BCLAF3: variants seen among roughly 807,000 people sequenced by gnomAD.
BCLAF3 encodes the protein BCLAF1 and THRAP3 family member 3, also known as transient octamer binding factor 1.
BCLAF3 carries 24 observed loss-of-function variants against 51.2 expected under a neutral mutation model. The observed-to-expected ratio is 0.47, with a 90% CI of 0.34 to 0.66. The LOEUF (loss-of-function observed/expected upper bound fraction) is 0.66. BCLAF3 is among the 30% of genes least tolerant of loss of function. The probability of loss-of-function intolerance (pLI) is 0.01; values close to 1 mark genes in which losing one functional copy is unlikely to be tolerated. For synonymous variants in BCLAF3, 152 were observed against 176.6 expected (o/e 0.86, Z 1.10); for missense variants, 465 against 525.1 (o/e 0.89, Z 1.12).
chrX:19,980,585 AATGTAC>A (rs1294481123), intron 1 of BCLAF3, among the ~76,000 whole-genome samples: 16 of 111,733 alleles, frequency 1.4e-4, no homozygotes, highest in Non-Finnish European at 3.0e-4. Context: ...AAAATATGTA[AATGTAC>A]ATATAAGACA....
intron 1 of BCLAF3, among the ~76,000 whole-genome samples, chrX:19,982,958 C>CTTTTTTTTTTTT (rs749753466): frequency 2.8e-5 from 2 of 72,348 alleles, no homozygotes; most frequent in Non-Finnish European, 4.8e-5. Context: ...TTTTTTTTTT[C>CTTTTTTTTTTTT]TTTTTTTTTT....
chrX:19,919,334 T>C (rs2070047392), intron 11 of BCLAF3, among the ~76,000 whole-genome samples: 1 of 111,677 alleles, frequency 9.0e-6, no homozygotes, highest in Non-Finnish European at 1.9e-5. Context: ...TTAAAAAATA[T>C]GATTGTTTGC....
intron 5 of BCLAF3, chrX:19,954,354 T>C (rs1185102379): frequency 5.4e-6 from 1 of 183,929 alleles, no homozygotes; most frequent in Admixed American, 9.3e-5. Flanking sequence ...AATGCCACTT[T>C]ACTTTAATTC....
chrX:19,982,527 C>T (rs1301237880), intron 1 of BCLAF3, among the ~76,000 whole-genome samples: 2 of 105,316 alleles, frequency 1.9e-5, no homozygotes, highest in Non-Finnish European at 3.9e-5. Context: ...CATTATCCTA[C>T]TTTGATTACA....
chrX:19,953,908 A>C lies in BCLAF3; in HGVS notation c.1451-16T>G. ...AAATAATTTGCTGAAAAAGGAAATG[A>C]AGAGTTTTATCTCAATGTTAAGCTG... On this transcript the variant is annotated splice_polypyrimidine_tract_variant and intron_variant, in intron 5 of 11. Transcript: ENST00000379682. 1 of 1,203,170 alleles carries C rather than the reference A, an allele frequency of 8.3e-7. No individual in the cohort carries two copies. The highest frequency in any genetic ancestry group is 1.8e-5 in the South Asian group (1 of 55,720).
chrX:19,919,856 CAAAAAAAAAA>C (rs763184612), intron 11 of BCLAF3, among the ~76,000 whole-genome samples: 236 of 33,642 alleles, frequency 7.0e-3, no homozygotes, highest in African/African-American at 0.024. Flanking sequence ...GACTTCGTCT[CAAAAAAAAAA>C]AAAAAAAAAA....
At chrX:19,952,833 A>G (rs1422478629) in intron 7 of BCLAF3, among the ~76,000 whole-genome samples, 155 bp downstream of exon 7, 1 of 111,902 alleles carries the variant, frequency 8.9e-6, no homozygotes, top group African/African-American at 3.3e-5. Context: ...GCTGATAGTC[A>G]GAATCACCTG....
intron 1 of BCLAF3, among the ~76,000 whole-genome samples, chrX:19,989,751 T>C (rs980654766): frequency 2.4e-4 from 27 of 111,651 alleles, no homozygotes; most frequent in South Asian, 1.1e-3. Flanking sequence ...CCATGGTTAC[T>C]TGGAACTTGG....
intron 9 of BCLAF3, chrX:19,937,199 GATTT>G (rs899633277): frequency 1.1e-5 from 4 of 379,828 alleles, no homozygotes; most frequent in Non-Finnish European, 1.8e-5. Flanking sequence ...AAGAAAGCTA[GATTT>G]ATTAGCTTTA....
intron 1 of BCLAF3, among the ~76,000 whole-genome samples, chrX:19,984,150 C>T (rs73445210): frequency 0.014 from 1,496 of 106,018 alleles, 29 homozygotes; most frequent in African/African-American, 0.049. Context: ...TGTCCTAAAG[C>T]ATTAACTGTG....
intron 1 of BCLAF3, among the ~76,000 whole-genome samples, chrX:19,973,315 C>T (rs1304422200): frequency 9.0e-6 from 1 of 111,408 alleles, no homozygotes; most frequent in African/African-American, 3.3e-5. Flanking sequence ...TCAGTTTAAA[C>T]TTGTTTTAAA....
chrX:19,982,557 ACACACACACACACACACACACACACACG>A (rs1342728629), intron 1 of BCLAF3, among the ~76,000 whole-genome samples: 1 of 96,497 alleles, frequency 1.0e-5, no homozygotes. Flanking sequence ...TTTCACACAC[ACACACACACACACACACACACACACACG>A]CACACACACA....
At chrX:19,982,752 T>C (rs1037916220) in intron 1 of BCLAF3, among the ~76,000 whole-genome samples, 1 of 110,747 alleles carries the variant, frequency 9.0e-6, no homozygotes, top group African/African-American at 3.3e-5. Context: ...CTACCTCGCA[T>C]AGAGAAATGG....
intron 1 of BCLAF3, among the ~76,000 whole-genome samples, chrX:19,986,172 A>G (rs1395093761): frequency 8.9e-6 from 1 of 111,930 alleles, no homozygotes; most frequent in East Asian, 2.8e-4. Context: ...AAAATAATAA[A>G]GGATGTCTTT....
intron 2 of BCLAF3, among the ~76,000 whole-genome samples, chrX:19,968,485 T>C (rs1182009644): frequency 8.8e-6 from 1 of 113,050 alleles, no homozygotes; most frequent in Non-Finnish European, 1.9e-5. Flanking sequence ...TCAGTTGTAC[T>C]ATAACCCCAC....
intron 11 of BCLAF3, chrX:19,929,237 G>A (rs907726720): frequency 1.8e-5 from 2 of 111,610 alleles, no homozygotes; most frequent in African/African-American, 3.2e-5. Flanking sequence ...AACATATAAT[G>A]GTGATGATTG....
At chrX:19,960,843 C>T (rs1360933337) in intron 4 of BCLAF3, among the ~76,000 whole-genome samples, 1 of 111,922 alleles carries the variant, frequency 8.9e-6, no homozygotes, top group Non-Finnish European at 1.9e-5. Context: ...GGTAGAGACA[C>T]CCCTCTATGT....
At chrX:19,928,208 A>G (rs1177256031) in intron 11 of BCLAF3, among the ~76,000 whole-genome samples, 1 of 110,430 alleles carries the variant, frequency 9.1e-6, no homozygotes, top group Non-Finnish European at 1.9e-5. Flanking sequence ...AAATACTAAC[A>G]TGGTTAATTC....
At chrX:19,988,846 T>C (rs2072875676) in intron 1 of BCLAF3, among the ~76,000 whole-genome samples, 1 of 111,745 alleles carries the variant, frequency 8.9e-6, no homozygotes, top group South Asian at 3.7e-4. Flanking sequence ...AAATCTCTTG[T>C]TTGTTCTATT....
Sources: gnomAD v4.1 joint callset for allele counts (sites outside exome capture counted in the v4.1 genomes callset) on GRCh38, gnomAD v4.1.1 for gene constraint, MANE v1.5 for transcripts, NCBI Gene and HGNC (gene_info 2026-07-23, HGNC 2026-07-21) for gene names.